NBEA: variants seen among roughly 807,000 people sequenced by gnomAD.
The protein encoded by NBEA is lysosomal-trafficking regulator 2.
A neutral mutation model predicts 343.4 loss-of-function variants in NBEA; 44 were observed. The ratio of observed to expected loss-of-function variants is 0.13; its 90% CI spans 0.10 to 0.16. The LOEUF is 0.16. NBEA is among the 10% of genes least tolerant of loss of function. The pLI, the probability that NBEA is intolerant of heterozygous loss-of-function variation, is 1.00. For missense variants in NBEA, 2,555 were observed against 3,631.3 expected (o/e 0.70, Z 7.62); for synonymous variants, 1,175 against 1,238.7 (o/e 0.95, Z 1.08).
chr13:35,166,240 T>C (rs141338774), intron 24 of NBEA, among the ~76,000 whole-genome samples: 24 of 152,296 alleles, frequency 1.6e-4, no homozygotes, highest in African/African-American at 5.5e-4. Flanking sequence ...GTTTAAAATA[T>C]TCACATTACT....
chr13:35,003,049 G>A (rs370351199), intron 1 of NBEA, among the ~76,000 whole-genome samples: 182 of 152,174 alleles, frequency 1.2e-3, no homozygotes, highest in Middle Eastern at 0.01. Context: ...TACAATGAAC[G>A]AAGAATGCAC....
At chr13:35,475,406 C>G (rs757002523) in intron 41 of NBEA, 2 of 1,613,634 alleles carry the variant, frequency 1.2e-6, no homozygotes, top group Non-Finnish European at 1.7e-6. Context: ...TTTCTGCAGC[C>G]CCCCATCTGC....
intron 33 of NBEA, among the ~76,000 whole-genome samples, chr13:35,227,481 T>G (rs998115564): frequency 5.9e-5 from 9 of 152,098 alleles, no homozygotes; most frequent in Admixed American, 5.9e-4. Flanking sequence ...TTTCCTCATT[T>G]ACATAGGAGC....
intron 41 of NBEA, among the ~76,000 whole-genome samples, chr13:35,519,379 T>C (rs900027631): frequency 2.0e-5 from 3 of 152,198 alleles, no homozygotes; most frequent in Non-Finnish European, 4.4e-5. Flanking sequence ...TTTCAACTTA[T>C]AAACTTTTAA....
At chr13:34,952,832 A>T (rs1382618481) in intron 1 of NBEA, among the ~76,000 whole-genome samples, 1 of 152,048 alleles carries the variant, frequency 6.6e-6, no homozygotes, top group Non-Finnish European at 1.5e-5. Flanking sequence ...ATGTTATTTA[A>T]TTTTTTTACA....
chr13:35,324,548 T>C (rs933366940), intron 36 of NBEA, among the ~76,000 whole-genome samples: 11 of 152,192 alleles, frequency 7.2e-5, no homozygotes, highest in African/African-American at 1.9e-4. Flanking sequence ...TTAGCACTTA[T>C]TAATTACAAT....
chr13:35,233,713 G>A (rs183437931), intron 34 of NBEA, among the ~76,000 whole-genome samples: 1 of 152,214 alleles, frequency 6.6e-6, no homozygotes, highest in East Asian at 1.9e-4. Context: ...AACAGACAAA[G>A]ACGCTTTTCT....
intron 17 of NBEA, among the ~76,000 whole-genome samples, chr13:35,127,125 C>T (rs2067176085): frequency 6.6e-6 from 1 of 151,932 alleles, no homozygotes; most frequent in Non-Finnish European, 1.5e-5. Flanking sequence ...CATTACTGGA[C>T]TTAAATAGAA....
At chr13:35,003,664 A>G (rs999447551) in intron 1 of NBEA, among the ~76,000 whole-genome samples, 8 of 152,196 alleles carry the variant, frequency 5.3e-5, no homozygotes, top group Non-Finnish European at 1.0e-4. Context: ...ATATGTTCCC[A>G]TGTAGTTTGG....
intron 17 of NBEA, among the ~76,000 whole-genome samples, chr13:35,126,598 G>C (rs548109818): frequency 6.6e-6 from 1 of 151,942 alleles, no homozygotes; most frequent in Non-Finnish European, 1.5e-5. Context: ...GAAAATGAGC[G>C]ACATGGGAGA....
intron 16 of NBEA, among the ~76,000 whole-genome samples, chr13:35,123,152 T>A (rs2152676575): frequency 6.6e-6 from 1 of 152,206 alleles, no homozygotes; most frequent in Admixed American, 6.5e-5. Context: ...AAAAAGATTT[T>A]AAAAAAGAAA....
At position 34,996,709 on chromosome 13, in the gene NBEA, A is replaced by T. The variant is rs562575781; in HGVS notation, c.295-44224A>T. 2.0e-5 allele frequency among the ~76,000 whole-genome samples: 3 copies of T among 152,154 alleles called. No homozygotes were observed. In the East Asian group the frequency reaches 5.8e-4, roughly 29 times the overall value. ...GAAACATGGGAAAATCATATTTCTG[A>T]ACATGAGTTGTACATTACCAGATTT... On this transcript the variant is annotated intron_variant, in intron 1 of 58. Transcript: ENST00000379939.
At chr13:35,216,839 G>A (rs902329711) in intron 33 of NBEA, among the ~76,000 whole-genome samples, 2 of 151,792 alleles carry the variant, frequency 1.3e-5, no homozygotes, top group Admixed American at 1.3e-4. Flanking sequence ...CCAGTTTGGG[G>A]CTATTAAAAA....
At chr13:35,272,596 G>A (rs902786385) in intron 34 of NBEA, among the ~76,000 whole-genome samples, 69 of 152,094 alleles carry the variant, frequency 4.5e-4, no homozygotes, top group Admixed American at 3.1e-3. Flanking sequence ...TCAGTGTGCC[G>A]TATTCAGGAG....
chr13:35,579,295 C>T (rs1474168881), intron 45 of NBEA, among the ~76,000 whole-genome samples: 1 of 152,034 alleles, frequency 6.6e-6, no homozygotes. Flanking sequence ...TTGTTTAAAT[C>T]AATAACTCTG....
intron 33 of NBEA, among the ~76,000 whole-genome samples, chr13:35,227,185 G>C (rs1160641182): frequency 1.3e-5 from 2 of 151,720 alleles, no homozygotes; most frequent in Non-Finnish European, 2.9e-5. Context: ...CACAACCTTA[G>C]AAAGCTGTAA....
chr13:35,349,709 T>C (rs551794613), intron 37 of NBEA, among the ~76,000 whole-genome samples: 23 of 152,120 alleles, frequency 1.5e-4, no homozygotes, highest in Non-Finnish European at 3.1e-4. Flanking sequence ...GCTGTTTGGC[T>C]TAGTTGGACT....
rs112231600 is a variant in NBEA, at chr13:34,955,487, G to A, written c.294+12373G>A. ...CTCCTAACTTTCCTTGGAGGAGTTG[G>A]GAAGGCTTCATGGGTAGACGTCTTG... On this transcript the variant is annotated intron_variant, in intron 1 of 58. Coordinates refer to ENST00000379939, the MANE Select transcript of NBEA (RefSeq NM_001385012.1). Among the ~76,000 whole-genome samples the A allele has an allele frequency of 4.7e-3, 709 of 152,140 alleles. 9 individuals carry two copies. The highest frequency in any genetic ancestry group is 0.015 in the African/African-American group (626 of 41,508).
At chr13:35,063,961 A>T (rs2152570428) in intron 8 of NBEA, among the ~76,000 whole-genome samples, 1 of 152,112 alleles carries the variant, frequency 6.6e-6, no homozygotes, top group East Asian at 1.9e-4. Flanking sequence ...AACTGAGCTG[A>T]TGGAGTTGTC....
Sources: allele counts gnomAD v4.1 joint callset (sites outside exome capture counted in the v4.1 genomes callset), GRCh38; gene constraint gnomAD v4.1.1; transcripts MANE v1.5; gene names NCBI Gene and HGNC (gene_info 2026-07-23, HGNC 2026-07-21).